The following TTLL5 variants were observed in gnomAD, a reference collection of about 807,000 sequenced individuals.
TTLL5 encodes tubulin tyrosine ligase like 5.
Under a neutral mutation model 168.4 loss-of-function variants are expected in TTLL5, and 132 were observed. The ratio of observed to expected loss-of-function variants is 0.78; its 90% CI spans 0.68 to 0.91. The LOEUF is 0.91. Among genes scored for constraint, TTLL5 ranks in the 40% least tolerant of loss-of-function variants. TTLL5 has a pLI of 0.00. For synonymous variants in TTLL5, 546 were observed against 558.6 expected (o/e 0.98, Z 0.32); for missense variants, 1,545 against 1,581.5 (o/e 0.98, Z 0.39).
chr14:75,903,247 G>A (rs553302838), intron 31 of TTLL5, among the ~76,000 whole-genome samples: 46 of 152,204 alleles, frequency 3.0e-4, no homozygotes, highest in African/African-American at 9.2e-4. Context: ...GACTGGGAAC[G>A]GCTTCCTAGA....
intron 29 of TTLL5, among the ~76,000 whole-genome samples, chr14:75,877,490 T>G (rs1484005787): frequency 1.3e-5 from 2 of 152,132 alleles, no homozygotes; most frequent in African/African-American, 4.8e-5. Context: ...ACCCTCAAAC[T>G]GTGGTTTTTC....
rs1895037981 is a variant in TTLL5, at chr14:75,824,884, C to G, written c.3326+4723C>G. Among the ~76,000 whole-genome samples, 4 of 152,260 alleles carry G rather than the reference C, an allele frequency of 2.6e-5. No individual in the cohort carries two copies. The South Asian group carries it at 8.3e-4, about 32-fold the overall frequency. On this transcript the variant is annotated intron_variant, in intron 28 of 31. Transcript: ENST00000298832. Reference sequence around the variant, plus strand: ...TCTGAACATAGTCCTTTAAATACTTCTCTTTCTTGAAAAGCATGTTACCTT... The same window carrying G: ...TCTGAACATAGTCCTTTAAATACTTGTCTTTCTTGAAAAGCATGTTACCTT...
chr14:75,818,775 A>G (rs544746038), intron 27 of TTLL5, among the ~76,000 whole-genome samples: 1 of 152,008 alleles, frequency 6.6e-6, no homozygotes, highest in South Asian at 2.1e-4. Flanking sequence ...TTGGGGTTAC[A>G]GGCGTGAGCC....
intron 28 of TTLL5, among the ~76,000 whole-genome samples, chr14:75,859,718 A>T (rs146283219): frequency 1.3e-5 from 2 of 152,340 alleles, no homozygotes; most frequent in African/African-American, 4.8e-5. Flanking sequence ...AATGGGATGG[A>T]ATTTTGCATT....
At chr14:75,858,330 A>G (rs1897237991) in intron 28 of TTLL5, among the ~76,000 whole-genome samples, 1 of 152,236 alleles carries the variant, frequency 6.6e-6, no homozygotes, top group Admixed American at 6.5e-5. Context: ...CTTGACCACC[A>G]TAGCATTTTC....
chr14:75,707,845 C>A, intron 9 of TTLL5, 138 bp downstream of exon 9: 2 of 719,072 alleles, frequency 2.8e-6, no homozygotes, highest in East Asian at 2.6e-5. Flanking sequence ...TGCAATCCAC[C>A]TCCTCAACTG....
intron 31 of TTLL5, among the ~76,000 whole-genome samples, chr14:75,932,300 G>A (rs763335647): frequency 2.6e-5 from 4 of 152,150 alleles, no homozygotes; most frequent in Non-Finnish European, 5.9e-5. Context: ...CAGGCCTAGA[G>A]TGGAGTACCT....
intron 30 of TTLL5, among the ~76,000 whole-genome samples, chr14:75,891,773 T>C (rs967943345): frequency 2.6e-5 from 4 of 152,214 alleles, no homozygotes; most frequent in Admixed American, 6.5e-5. Flanking sequence ...CAGTTGTTAA[T>C]AGCCTGGAAT....
chr14:75,729,565 C>T (rs1298183531), intron 12 of TTLL5, among the ~76,000 whole-genome samples: 2 of 152,084 alleles, frequency 1.3e-5, no homozygotes, highest in East Asian at 1.9e-4. Flanking sequence ...ATCTTTCCAC[C>T]CCATTCCCCC....
At chr14:75,863,528 T>C (rs982774795) in intron 28 of TTLL5, 139 bp from the exon 29 acceptor site, 5 of 810,914 alleles carry the variant, frequency 6.2e-6, no homozygotes. Context: ...GGGAGTGAGA[T>C]AATATCACAC....
At chr14:75,673,337 T>C (rs2140099058) in intron 3 of TTLL5, among the ~76,000 whole-genome samples, 1 of 152,364 alleles carries the variant, frequency 6.6e-6, no homozygotes, top group East Asian at 1.9e-4. Flanking sequence ...CAATTTCACT[T>C]ATCTCTGCTC....
chr14:75,707,368 A>G (rs1886730023), intron 8 of TTLL5, among the ~76,000 whole-genome samples: 2 of 152,156 alleles, frequency 1.3e-5, no homozygotes, highest in African/African-American at 4.8e-5. Context: ...TGCATTATAT[A>G]TACATTACAG....
At chr14:75,926,240 G>GTC (rs1225279204) in intron 31 of TTLL5, among the ~76,000 whole-genome samples, 1 of 124,234 alleles carries the variant, frequency 8.0e-6, no homozygotes, top group South Asian at 2.7e-4. Context: ...GCCTATGTGT[G>GTC]TCTCTGCACG....
chr14:75,857,381 T>TTAGATAGATAGA (rs75729746), intron 28 of TTLL5, among the ~76,000 whole-genome samples: 43,455 of 149,642 alleles, frequency 0.29, 6,384 homozygotes, highest in Middle Eastern at 0.32. Flanking sequence ...GGTTGGTTGA[T>TTAGATAGATAGA]TAGATAGATA....
chr14:75,885,181 ATAAT>A (rs780461961), intron 30 of TTLL5, among the ~76,000 whole-genome samples: 28 of 135,284 alleles, frequency 2.1e-4, no homozygotes, highest in Admixed American at 3.8e-4. Context: ...TCTCAAAAAA[ATAAT>A]TAATTAATTA....
At chr14:75,745,442 A>C in intron 16 of TTLL5, 48 bp from the exon 17 acceptor site, 3 of 1,579,954 alleles carry the variant, frequency 1.9e-6, no homozygotes, top group South Asian at 2.2e-5. Flanking sequence ...AGCCACATGG[A>C]CTCCGGTTTT....
At chr14:75,928,165 C>A (rs545221884) in intron 31 of TTLL5, among the ~76,000 whole-genome samples, 1 of 151,750 alleles carries the variant, frequency 6.6e-6, no homozygotes, top group African/African-American at 2.4e-5. Flanking sequence ...TGCCACTGAC[C>A]TCCTCTGAGA....
intron 31 of TTLL5, among the ~76,000 whole-genome samples, chr14:75,926,042 AAG>A (rs1491221982): frequency 2.0e-5 from 3 of 148,060 alleles, no homozygotes; most frequent in African/African-American, 5.2e-5. Context: ...AGACCGGGGA[AAG>A]AGAGGGAGAG....
chr14:75,810,568 T>G (rs567709651), intron 27 of TTLL5, among the ~76,000 whole-genome samples: 1 of 152,164 alleles, frequency 6.6e-6, no homozygotes, highest in Non-Finnish European at 1.5e-5. Flanking sequence ...GGGTCTCTTA[T>G]GTTGCCCAGG....
Sources: allele counts gnomAD v4.1 joint callset (sites outside exome capture counted in the v4.1 genomes callset), GRCh38; gene constraint gnomAD v4.1.1; transcripts MANE v1.5; gene names NCBI Gene and HGNC (gene_info 2026-07-23, HGNC 2026-07-21).